Variants in ZFHX3 observed in about 807,000 individuals in gnomAD.
ZFHX3 encodes zinc finger homeobox 3.
A neutral mutation model predicts 279.1 loss-of-function variants in ZFHX3; 42 were observed. The ratio of observed to expected loss-of-function variants is 0.15; its 90% CI spans 0.12 to 0.19. The LOEUF (loss-of-function observed/expected upper bound fraction) is 0.19. Among genes scored for constraint, ZFHX3 ranks in the 10% least tolerant of loss-of-function variants. ZFHX3 has a pLI of 1.00. For missense variants in ZFHX3, 4,981 were observed against 4,754.0 expected, an observed-to-expected ratio of 1.05 and a Z score of -1.40; for synonymous variants, 2,293 against 1,957.8, an observed-to-expected ratio of 1.17 and a Z score of -4.52.
At chr16:73,474,960 T>C (rs921701533) in intron 2 of ZFHX3, among the ~76,000 whole-genome samples, 27 of 152,160 alleles carry the variant, frequency 1.8e-4, no homozygotes, top group African/African-American at 4.8e-4. Flanking sequence ...GGGTGGGTAA[T>C]TGCCACCAGA....
rs1358948066 is a variant in ZFHX3 at position 72,940,847 on chromosome 16, C to T, written c.3216+9622G>A. 2.6e-5 allele frequency among the ~76,000 whole-genome samples: 4 copies of T among 152,348 alleles called. No individual in the cohort carries two copies. In the East Asian group the frequency reaches 5.8e-4, roughly 22 times the overall value. On this transcript the variant is annotated intron_variant, in intron 3 of 9. Transcript: ENST00000268489. The stretch of plus-strand genomic sequence containing the variant: ...CATTTCTAACCTTCTAACTAGTTTG[C>T]CTTTTACAGAACCAGGAGGGGGACC...
In ZFHX3 at chr16:73,553,961, G is replaced by A. The variant is rs141578345; in HGVS notation, c.-1546-97703C>T. On this transcript the variant is annotated intron_variant, in intron 2 of 17. Transcript: ENST00000641206. ...ATGATCAGAAAAAGTGATAAATGGC[G>A]GCTGCATTTCACACGGTTGTTTATA... Among the ~76,000 whole-genome samples the A allele has an allele frequency of 4.1e-4, 62 of 152,302 alleles. 1 individual carries two copies. The highest frequency in any genetic ancestry group is 1.3e-3 in the African/African-American group (53 of 41,554).
intron 4 of ZFHX3, chr16:73,293,764 T>C (rs960637732): frequency 1.2e-4 from 19 of 152,142 alleles, no homozygotes; most frequent in African/African-American, 4.6e-4. Flanking sequence ...TTCACGGAGG[T>C]GGGTAATAAG....
intron 3 of ZFHX3, among the ~76,000 whole-genome samples, chr16:73,427,113 GAGA>G (rs56178478): frequency 0.15 from 22,162 of 152,158 alleles, 2,179 homozygotes; most frequent in Middle Eastern, 0.25. Context: ...AAAAAAAGAG[GAGA>G]AGAAGAACAA....
chr16:73,624,226 T>A (rs1313558818), intron 2 of ZFHX3, among the ~76,000 whole-genome samples: 1 of 152,150 alleles, frequency 6.6e-6, no homozygotes, highest in Non-Finnish European at 1.5e-5. Context: ...GAGACTCAAG[T>A]CATGAAGTTC....
chr16:72,936,165 G>T (rs1567592772), intron 3 of ZFHX3, among the ~76,000 whole-genome samples: 2 of 152,184 alleles, frequency 1.3e-5, no homozygotes, highest in African/African-American at 4.8e-5. Context: ...CAATGACCTG[G>T]TCCACACAAG....
chr16:73,775,565 C>T (rs536205209), intron 1 of ZFHX3, among the ~76,000 whole-genome samples: 4 of 152,096 alleles, frequency 2.6e-5, no homozygotes, highest in Admixed American at 6.6e-5. Context: ...GTGCTGAGCC[C>T]CAGTTATATT....
rs1467216610 is a variant in ZFHX3, at chr16:73,421,758, C to A, written c.-1291+34245G>T. Reference sequence around the variant, plus strand: ...ATGGGCCACCCTAGTTTCATCTCTCCAGGGCTTCTGTCTGGGTGGGGGATG... The same window carrying A: ...ATGGGCCACCCTAGTTTCATCTCTCAAGGGCTTCTGTCTGGGTGGGGGATG... On this transcript the variant is annotated intron_variant, in intron 3 of 17. Coordinates refer to the ZFHX3 transcript ENST00000641206. Among the ~76,000 whole-genome samples, 6 of 152,098 alleles carry A rather than the reference C, an allele frequency of 3.9e-5. No homozygotes were observed. In the East Asian group the frequency reaches 1.2e-3, roughly 29 times the overall value.
chr16:72,952,505 C>T (rs1297821865), intron 2 of ZFHX3, among the ~76,000 whole-genome samples: 1 of 152,204 alleles, frequency 6.6e-6, no homozygotes, highest in Non-Finnish European at 1.5e-5. Flanking sequence ...CTCCCTAGGA[C>T]AGGGGTCCAG....
At chr16:72,812,851 G>A (rs1418043790) in intron 5 of ZFHX3, among the ~76,000 whole-genome samples, 1 of 152,210 alleles carries the variant, frequency 6.6e-6, no homozygotes, top group Non-Finnish European at 1.5e-5. Flanking sequence ...ACGTACGGAA[G>A]TGCTGGTGGG....
chr16:73,528,148 A>C (rs2019726972), intron 2 of ZFHX3, among the ~76,000 whole-genome samples: 3 of 152,174 alleles, frequency 2.0e-5, no homozygotes. Flanking sequence ...AAACATCTGC[A>C]AGGATTTGGT....
intron 1 of ZFHX3, among the ~76,000 whole-genome samples, chr16:73,053,206 T>A (rs1168175255): frequency 6.6e-6 from 1 of 151,118 alleles, no homozygotes; most frequent in Non-Finnish European, 1.5e-5. Flanking sequence ...TGGAGGGGGG[T>A]TCCAATTGTA....
chr16:73,334,139 C>A (rs773611429), intron 3 of ZFHX3, among the ~76,000 whole-genome samples: 2 of 152,112 alleles, frequency 1.3e-5, no homozygotes, highest in Non-Finnish European at 2.9e-5. Flanking sequence ...GGCAGCAGGG[C>A]CAGGAGAATG....
intron 1 of ZFHX3, among the ~76,000 whole-genome samples, chr16:73,733,594 G>T (rs1466421985): frequency 6.6e-6 from 1 of 152,066 alleles, no homozygotes; most frequent in African/African-American, 2.4e-5. Context: ...ACTTTTTCCT[G>T]TCGTTGGGGA....
At chr16:73,710,786 C>T (rs1224552712) in intron 1 of ZFHX3, among the ~76,000 whole-genome samples, 1 of 152,232 alleles carries the variant, frequency 6.6e-6, no homozygotes, top group Non-Finnish European at 1.5e-5. Context: ...GGCCTCCCTT[C>T]TCGGAGCAGC....
intron 2 of ZFHX3, among the ~76,000 whole-genome samples, chr16:73,578,985 C>T (rs1190045207): frequency 6.6e-6 from 1 of 152,170 alleles, no homozygotes; most frequent in African/African-American, 2.4e-5. Flanking sequence ...CCGGACATGC[C>T]TCGTTACACT....
At chr16:73,014,055 C>A (rs562257234) in intron 1 of ZFHX3, among the ~76,000 whole-genome samples, 1 of 152,104 alleles carries the variant, frequency 6.6e-6, no homozygotes, top group Non-Finnish European at 1.5e-5. Flanking sequence ...ACAACAGGGG[C>A]AAAGGAGAGG....
At chr16:73,710,083 T>C (rs2053343906) in intron 1 of ZFHX3, among the ~76,000 whole-genome samples, 1 of 152,120 alleles carries the variant, frequency 6.6e-6, no homozygotes, top group Non-Finnish European at 1.5e-5. Context: ...CTCGGGAGGC[T>C]GAGGCAGGAG....
At chr16:73,544,667 C>A (rs190602376) in intron 2 of ZFHX3, among the ~76,000 whole-genome samples, 1 of 152,166 alleles carries the variant, frequency 6.6e-6, no homozygotes, top group East Asian at 1.9e-4. Context: ...ATAAAGAGAC[C>A]AAAGATGCTT....
Sources: gnomAD v4.1 joint callset for allele counts (sites outside exome capture counted in the v4.1 genomes callset) on GRCh38, gnomAD v4.1.1 for gene constraint, MANE v1.5 for transcripts, NCBI Gene and HGNC (gene_info 2026-07-23, HGNC 2026-07-21) for gene names.